Variants in GRHL2 observed in about 807,000 individuals in gnomAD.
GRHL2 encodes the protein grainyhead like transcription factor 2, also known as grainyhead-like protein 2 homolog.
A neutral mutation model predicts 83.8 loss-of-function variants in GRHL2; 21 were observed. The ratio of observed to expected loss-of-function variants is 0.25; its 90% CI spans 0.18 to 0.36. The LOEUF (loss-of-function observed/expected upper bound fraction) is 0.36, where lower values mean the gene tolerates loss of function less well. GRHL2 is among the 10% of genes least tolerant of loss of function. The probability of loss-of-function intolerance (pLI) is 1.00; values close to 1 mark genes in which losing one functional copy is unlikely to be tolerated. For synonymous variants in GRHL2, 280 were observed against 278.9 expected, an observed-to-expected ratio of 1.00 and a Z score of -0.04; for missense variants, 623 against 781.8, an observed-to-expected ratio of 0.80 and a Z score of 2.42.
At chr8:101,623,527 C>A (rs1813005997) in intron 9 of GRHL2, among the ~76,000 whole-genome samples, 1 of 140,592 alleles carries the variant, frequency 7.1e-6, no homozygotes. Context: ...CACAATAGGA[C>A]AGTTCACAGT....
In GRHL2 at chr8:101,551,076, T is replaced by C. The variant is rs1405975166; in HGVS notation, c.217-1639T>C. ...TAGTGCTGCAATGAACACAGGTGTG[T>C]TGAGTATTGAAATTGTATGTTTATC... On this transcript the variant is annotated intron_variant, in intron 2 of 15. Transcript: ENST00000646743. Among the ~76,000 whole-genome samples the C allele has an allele frequency of 2.6e-5, 4 of 152,168 alleles. No individual in the cohort carries two copies. In the East Asian group the frequency reaches 7.7e-4, roughly 29 times the overall value.
chr8:101,675,257 G>A, the GRHL2 span, among the ~76,000 whole-genome samples: 1 of 152,258 alleles, frequency 6.6e-6, no homozygotes, highest in East Asian at 1.9e-4. Context: ...TAGGAAAAGA[G>A]GAAGTCAAAT....
At chr8:101,545,909 G>A (rs1335989070) in intron 2 of GRHL2, among the ~76,000 whole-genome samples, 3 of 98,972 alleles carry the variant, frequency 3.0e-5, no homozygotes, top group East Asian at 3.3e-4. Context: ...TTGAGATGGA[G>A]TCTTGCTCTG....
At chr8:101,679,269 G>A in the GRHL2 span, among the ~76,000 whole-genome samples, 6 of 148,714 alleles carry the variant, frequency 4.0e-5, no homozygotes, top group East Asian at 2.0e-4. Context: ...CGAGAACTAC[G>A]TGAAGAATGC....
At chr8:101,677,988 AT>A in the GRHL2 span, among the ~76,000 whole-genome samples, 2 of 151,990 alleles carry the variant, frequency 1.3e-5, no homozygotes, top group East Asian at 1.9e-4. Flanking sequence ...AAGACTCAAC[AT>A]TTTTTTCTCT....
At chr8:101,561,595 C>A (rs1811609494) in intron 4 of GRHL2, among the ~76,000 whole-genome samples, 1 of 152,160 alleles carries the variant, frequency 6.6e-6, no homozygotes, top group Non-Finnish European at 1.5e-5. Context: ...ATTGTTAGTT[C>A]CTTGTTGTAT....
At chr8:101,611,213 G>A (rs575603672) in intron 8 of GRHL2, among the ~76,000 whole-genome samples, 1 of 151,272 alleles carries the variant, frequency 6.6e-6, no homozygotes, top group African/African-American at 2.5e-5. Flanking sequence ...CCTTGCCTAT[G>A]TGCACGAATG....
At chr8:101,497,445 G>A (rs1020890438) in intron 1 of GRHL2, among the ~76,000 whole-genome samples, 6 of 152,226 alleles carry the variant, frequency 3.9e-5, no homozygotes, top group Non-Finnish European at 2.9e-5. Flanking sequence ...GCTTTAGTGA[G>A]TTTCCCATTT....
chr8:101,658,336 G>T (rs763820315), intron 14 of GRHL2, among the ~76,000 whole-genome samples: 3 of 152,208 alleles, frequency 2.0e-5, no homozygotes, highest in African/African-American at 7.2e-5. Flanking sequence ...CTGCCAGGTT[G>T]TTCCCTTTCA....
intron 7 of GRHL2, among the ~76,000 whole-genome samples, chr8:101,580,462 G>A (rs558585674): frequency 1.1e-4 from 16 of 152,064 alleles, no homozygotes; most frequent in African/African-American, 2.2e-4. Context: ...CTCCCTCCCC[G>A]TCACTCTTCC....
rs180765179 is a variant in GRHL2, at chr8:101,586,129, G to T, written c.1003+8610G>T. Among the ~76,000 whole-genome samples the T allele has an allele frequency of 2.0e-3, 280 of 139,790 alleles. 3 individuals carry two copies. The East Asian group carries it at 0.052, about 26-fold the overall frequency. 91.7% of individuals were successfully genotyped at this position (139,790 alleles called of 152,430 possible). ...GCTCTGTCGCCCAGGTGGGACTGCG[G>T]ACTGCAGTGGCGCAATCTCGGCTCA... On this transcript the variant is annotated intron_variant, in intron 7 of 15. Coordinates refer to ENST00000646743, the MANE Select transcript of GRHL2 (RefSeq NM_024915.4).
intron 1 of GRHL2, among the ~76,000 whole-genome samples, chr8:101,499,646 G>C (rs1473726037): frequency 6.6e-6 from 1 of 152,140 alleles, no homozygotes; most frequent in African/African-American, 2.4e-5. Flanking sequence ...TTTAACCTTG[G>C]AAAAATTTGA....
At position 101,611,122 on chromosome 8, in the gene GRHL2, A is replaced by G. The variant is rs190627612; in HGVS notation, c.1099-8417A>G. Among the ~76,000 whole-genome samples, 17 of 151,022 alleles carry G rather than the reference A, an allele frequency of 1.1e-4. 1 individual carries two copies. Among genetic ancestry groups the G allele is most frequent in the African/African-American group, 4.2e-4 (17 of 40,428 alleles). On this transcript the variant is annotated intron_variant, in intron 8 of 15. Transcript: ENST00000646743. Reference sequence around the variant, plus strand: ...ACAAAACATAGTTAGTTGTTTACATACTTCCCCATTCATCCCGGGATTAGT... The same window carrying G: ...ACAAAACATAGTTAGTTGTTTACATGCTTCCCCATTCATCCCGGGATTAGT...
At chr8:101,644,911 G>A (rs866359072) in intron 13 of GRHL2, among the ~76,000 whole-genome samples, 1 of 151,086 alleles carries the variant, frequency 6.6e-6, no homozygotes, top group African/African-American at 2.4e-5. Context: ...GCAGTAGCAC[G>A]ATCATGGCTC....
At chr8:101,619,852 T>C (rs1157775852) in intron 9 of GRHL2, among the ~76,000 whole-genome samples, 155 bp downstream of exon 9, 2 of 152,042 alleles carry the variant, frequency 1.3e-5, no homozygotes, top group Non-Finnish European at 2.9e-5. Context: ...TCTCAGTTCC[T>C]GTTAGATATC....
chr8:101,650,353 CT>C (rs1813597118), intron 14 of GRHL2, among the ~76,000 whole-genome samples: 1 of 152,148 alleles, frequency 6.6e-6, no homozygotes, highest in Non-Finnish European at 1.5e-5. Flanking sequence ...GGACTTCACT[CT>C]TTTTATGATT....
chr8:101,551,714 A>G (rs1811383182), intron 2 of GRHL2, among the ~76,000 whole-genome samples: 1 of 150,376 alleles, frequency 6.6e-6, no homozygotes, highest in African/African-American at 2.5e-5. Context: ...TTTGAAAACA[A>G]TGGCAGAGTA....
At position 101,492,653 on chromosome 8, in the gene GRHL2, G is replaced by C. The variant is rs1809987932; in HGVS notation, c.-117G>C. On this transcript the variant is annotated 5_prime_UTR_variant, in exon 1 of 16. Transcript: ENST00000646743. Reference sequence around the variant, plus strand: ...GGACGGAAAAGCAGAATTACCTGTAGCTCTTGTTCTGCCATCTCGGGCGCT... The same window carrying C: ...GGACGGAAAAGCAGAATTACCTGTACCTCTTGTTCTGCCATCTCGGGCGCT... 2.4e-6 allele frequency: 2 copies of C among 839,086 alleles called. No individual in the cohort carries two copies. Among genetic ancestry groups the C allele is most frequent in the South Asian group, 2.7e-5 (2 of 74,914 alleles). 52.0% of individuals were successfully genotyped at this position (839,086 alleles called of 1,614,324 possible).
chr8:101,522,114 T>A (rs1810697786), intron 1 of GRHL2, among the ~76,000 whole-genome samples: 1 of 152,122 alleles, frequency 6.6e-6, no homozygotes, highest in Non-Finnish European at 1.5e-5. Context: ...AAATATATAT[T>A]TTTATTATAC....
Sources: gnomAD v4.1 joint callset for allele counts (sites outside exome capture counted in the v4.1 genomes callset) on GRCh38, gnomAD v4.1.1 for gene constraint, MANE v1.5 for transcripts, NCBI Gene and HGNC (gene_info 2026-07-23, HGNC 2026-07-21) for gene names.